The following OGDH variants were observed in gnomAD, a reference collection of about 807,000 sequenced individuals.
The protein encoded by OGDH is oxoglutarate dehydrogenase.
Under a neutral mutation model 116.6 loss-of-function variants are expected in OGDH, and 38 were observed. The observed-to-expected ratio is 0.33, with a 90% CI of 0.25 to 0.43. The LOEUF (loss-of-function observed/expected upper bound fraction) is 0.43, where lower values mean the gene tolerates loss of function less well. OGDH is among the 20% of genes least tolerant of loss of function. The pLI is 1.00. For missense variants in OGDH, 825 were observed against 1,357.2 expected, an observed-to-expected ratio of 0.61 and a Z score of 6.16; for synonymous variants, 488 against 533.3, an observed-to-expected ratio of 0.92 and a Z score of 1.17.
intron 3 of OGDH, among the ~76,000 whole-genome samples, chr7:44,646,766 T>G (rs1347233718): frequency 6.6e-6 from 1 of 152,084 alleles, no homozygotes; most frequent in Non-Finnish European, 1.5e-5. Context: ...TGTAGCAGGG[T>G]TTTTTTGTTC....
intron 10 of OGDH, among the ~76,000 whole-genome samples, chr7:44,687,497 C>T (rs1371992747): frequency 6.6e-6 from 1 of 152,122 alleles, no homozygotes; most frequent in African/African-American, 2.4e-5. Context: ...CTCACTGCAG[C>T]CTCCACCTCC....
chr7:44,611,974 G>T (rs1232623565), intron 1 of OGDH, among the ~76,000 whole-genome samples: 1 of 151,926 alleles, frequency 6.6e-6, no homozygotes, highest in Non-Finnish European at 1.5e-5. Flanking sequence ...ACAACATGCA[G>T]GTTTGTTACA....
At chr7:44,676,436 T>C in intron 9 of OGDH, 1 of 491,448 alleles carries the variant, frequency 2.0e-6, no homozygotes, top group South Asian at 2.3e-5. Flanking sequence ...GCGCCTGTAA[T>C]CCCAGCTACT....
chr7:44,617,455 T>C (rs1484140571), intron 1 of OGDH, among the ~76,000 whole-genome samples: 2 of 152,084 alleles, frequency 1.3e-5, no homozygotes, highest in East Asian at 1.9e-4. Context: ...GGCTCAACAA[T>C]TGTTTCCATC....
rs1047864240 is a variant in OGDH, at chr7:44,645,329, A to G, written c.225A>G (p.Ser75=). The G allele has an allele frequency of 1.2e-6, 2 of 1,613,914 alleles. No homozygotes were observed. Among genetic ancestry groups the G allele is most frequent in the Non-Finnish European group, 1.7e-6 (2 of 1,179,916 alleles). The change falls in exon 3 of 23, where the codon TCA becomes TCG. Residue 75 remains serine (S), a splice_region_variant and synonymous_variant. Transcript: ENST00000222673. ...WLENPKSVHK[S]WDIFFRNTNA... ...CCCTGTACCTTCTTTGTCTTTAGTC[A>G]TGGGACATTTTTTTTCGCAACACGA...
Position 44,624,297 on chromosome 7 carries a change from T to G in OGDH, c.-27-20T>G, listed in dbSNP as rs1280826823. On this transcript the variant is annotated intron_variant, in intron 1 of 22. Coordinates refer to ENST00000222673, the MANE Select transcript of OGDH (RefSeq NM_002541.4). ...TTTAAAACCTTTCTTTCTTGTTTTTTTTTTTTTTTTTTTGTACAGGCAGTT... is the reference window on the plus strand; with the variant it reads ...TTTAAAACCTTTCTTTCTTGTTTTTGTTTTTTTTTTTTTGTACAGGCAGTT... 1.7e-6 allele frequency: 2 copies of G among 1,202,078 alleles called. No individual in the cohort carries two copies. Among genetic ancestry groups the G allele is most frequent in the African/African-American group, 1.8e-5 (1 of 56,662 alleles). The allele number at this position is 1,202,078 out of a possible 1,614,324, so 74.5% of individuals were successfully genotyped here. A position where few individuals can be genotyped will look rare whatever the true frequency, so the allele number is the denominator to read the frequency against.
chr7:44,683,353 C>T (rs1434249613), intron 10 of OGDH, among the ~76,000 whole-genome samples: 3 of 151,978 alleles, frequency 2.0e-5, no homozygotes, highest in Non-Finnish European at 4.4e-5. Context: ...CTCAGCCTCC[C>T]GAGTAGCAAG....
chr7:44,687,561 A>G (rs961815672), intron 10 of OGDH, among the ~76,000 whole-genome samples: 1 of 151,874 alleles, frequency 6.6e-6, no homozygotes, highest in African/African-American at 2.4e-5. Flanking sequence ...GACTATGGCC[A>G]TGCACCACCA....
intron 1 of OGDH, among the ~76,000 whole-genome samples, chr7:44,616,615 A>ATG (rs1461410143): frequency 2.2e-5 from 3 of 136,728 alleles, no homozygotes; most frequent in Admixed American, 1.4e-4. Flanking sequence ...ACATATATAT[A>ATG]TGTATATATA....
intron 2 of OGDH, among the ~76,000 whole-genome samples, chr7:44,645,104 G>A (rs1308267096): frequency 6.6e-6 from 1 of 152,188 alleles, no homozygotes; most frequent in African/African-American, 2.4e-5. Context: ...GTGGGGGTCA[G>A]AAAGTGCATC....
Position 44,647,651 on chromosome 7 carries a change from T to TC in OGDH, c.415-5dup. 3.7e-6 allele frequency: 6 copies of TC among 1,611,716 alleles called. No individual in the cohort carries two copies. The highest frequency in any genetic ancestry group is 4.2e-6 in the Non-Finnish European group (5 of 1,177,794). On this transcript the variant is annotated splice_polypyrimidine_tract_variant and splice_region_variant and intron_variant, in intron 3 of 22. Coordinates refer to ENST00000222673, the MANE Select transcript of OGDH (RefSeq NM_002541.4). Reference sequence around the variant, plus strand: ...GTCCTTCCCTCTCATCGTTGGCCACTCATAGATACGAGGGCACCATGTAGC... The same window carrying TC: ...GTCCTTCCCTCTCATCGTTGGCCACTCCATAGATACGAGGGCACCATGTAGC...
chr7:44,700,277 G>A lies in OGDH; in HGVS notation c.2559+8G>A, dbSNP rs755054721. ...CTGCCATTCCGGAAGCCGGTCAGTGGCAGGGCCTCCCTTGCTCAAACGAGG... is the reference window on the plus strand; with the variant it reads ...CTGCCATTCCGGAAGCCGGTCAGTGACAGGGCCTCCCTTGCTCAAACGAGG... On this transcript the variant is annotated splice_region_variant and intron_variant, in intron 19 of 22. Coordinates refer to ENST00000222673, the MANE Select transcript of OGDH (RefSeq NM_002541.4). The A allele has an allele frequency of 2.5e-6, 4 of 1,613,958 alleles. No individual in the cohort carries two copies. The highest frequency in any genetic ancestry group is 3.4e-6 in the Non-Finnish European group (4 of 1,179,894).
intron 2 of OGDH, among the ~76,000 whole-genome samples, chr7:44,624,828 G>A (rs1785141690): frequency 6.6e-6 from 1 of 151,206 alleles, no homozygotes; most frequent in Admixed American, 6.6e-5. Context: ...ATCTCCGCAA[G>A]GGCTGCTTCA....
intron 19 of OGDH, among the ~76,000 whole-genome samples, chr7:44,700,543 G>C (rs142216187): frequency 8.5e-5 from 13 of 152,202 alleles, no homozygotes; most frequent in Non-Finnish European, 1.3e-4. Flanking sequence ...GCCCCAGCCC[G>C]GTGGGGAGGA....
intron 10 of OGDH, among the ~76,000 whole-genome samples, chr7:44,693,061 C>G (rs1402145283): frequency 6.6e-6 from 1 of 151,752 alleles, no homozygotes; most frequent in African/African-American, 2.4e-5. Flanking sequence ...GTAATCCCAG[C>G]ACTTTGGGAG....
chr7:44,648,775 T>C (rs1251484378), intron 4 of OGDH, among the ~76,000 whole-genome samples: 1 of 152,186 alleles, frequency 6.6e-6, no homozygotes, highest in African/African-American at 2.4e-5. Flanking sequence ...TTTGTAATTG[T>C]TTTTTTAATA....
intron 9 of OGDH, among the ~76,000 whole-genome samples, chr7:44,679,397 A>G (rs1376232111): frequency 6.6e-6 from 1 of 152,204 alleles, no homozygotes; most frequent in Non-Finnish European, 1.5e-5. Context: ...ACATGCTGCT[A>G]TCCTAGTGAG....
chr7:44,626,655 T>C (rs1785220142), intron 2 of OGDH, among the ~76,000 whole-genome samples: 1 of 152,202 alleles, frequency 6.6e-6, no homozygotes, highest in Non-Finnish European at 1.5e-5. Context: ...GTGGCCACAG[T>C]GCTGTGGACA....
chr7:44,660,339 G>A (rs1262180676), intron 4 of OGDH, among the ~76,000 whole-genome samples: 1 of 152,104 alleles, frequency 6.6e-6, no homozygotes, highest in South Asian at 2.1e-4. Context: ...TGCCCGGGCT[G>A]GTCATTATTG....
Sources: allele counts gnomAD v4.1 joint callset (sites outside exome capture counted in the v4.1 genomes callset), GRCh38; gene constraint gnomAD v4.1.1; transcripts MANE v1.5; gene names NCBI Gene and HGNC (gene_info 2026-07-23, HGNC 2026-07-21).